The following CHCHD3 variants were observed in gnomAD, a reference collection of about 807,000 sequenced individuals.
CHCHD3 encodes the protein MICOS complex subunit MIC19.
Under a neutral mutation model 38.2 loss-of-function variants are expected in CHCHD3, and 20 were observed. The ratio of observed to expected loss-of-function variants is 0.52; its 90% CI spans 0.37 to 0.76. The LOEUF (loss-of-function observed/expected upper bound fraction) is 0.76. CHCHD3 is among the 30% of genes least tolerant of loss of function. The probability of loss-of-function intolerance (pLI) is 0.00; values close to 1 mark genes in which losing one functional copy is unlikely to be tolerated. For missense variants in CHCHD3, 245 were observed against 279.2 expected (o/e 0.88, Z 0.87); for synonymous variants, 82 against 100.0 (o/e 0.82, Z 1.07).
intron 2 of CHCHD3, among the ~76,000 whole-genome samples, chr7:133,027,746 C>T (rs1176689680): frequency 6.6e-6 from 1 of 152,024 alleles, no homozygotes; most frequent in Non-Finnish European, 1.5e-5. Context: ...ACTTAGGAAA[C>T]CCCTAGAACA....
chr7:132,796,636 G>C, intron 6 of CHCHD3, 59 bp from the exon 7 acceptor site: 1 of 1,511,280 alleles, frequency 6.6e-7, no homozygotes, highest in Non-Finnish European at 9.1e-7. Flanking sequence ...TAAAAATCAA[G>C]GTTAAAGAAC....
At chr7:133,046,073 T>A (rs1023819760) in intron 2 of CHCHD3, among the ~76,000 whole-genome samples, 1 of 152,196 alleles carries the variant, frequency 6.6e-6, no homozygotes, top group South Asian at 2.1e-4. Context: ...GAATCTTACT[T>A]TTTTTAGTGA....
In CHCHD3 at chr7:132,814,102, C is replaced by G. The variant is rs115713467; in HGVS notation, c.525-17525G>C. On this transcript the variant is annotated intron_variant, in intron 6 of 7. Coordinates refer to ENST00000262570, the MANE Select transcript of CHCHD3 (RefSeq NM_017812.4). ...TGCCTTAATAGTAGCAAAATCTCGC[C>G]TAAGACAAGTTGGACGTTTCAAGAA... Among the ~76,000 whole-genome samples the G allele has an allele frequency of 2.9e-3, 442 of 152,284 alleles. 1 individual carries two copies. Among genetic ancestry groups the G allele is most frequent in the African/African-American group, 0.01 (423 of 41,564 alleles).
At chr7:133,006,490 A>C in intron 3 of CHCHD3, among the ~76,000 whole-genome samples, 1 of 49,230 alleles carries the variant, frequency 2.0e-5, no homozygotes, top group African/African-American at 6.2e-5. Context: ...TAAATAAATA[A>C]ATAAAAAAAT....
chr7:132,898,757 A>C (rs1241108830), intron 4 of CHCHD3, among the ~76,000 whole-genome samples: 2 of 152,252 alleles, frequency 1.3e-5, no homozygotes, highest in Admixed American at 1.3e-4. Flanking sequence ...CCCCACGGGA[A>C]GGCAGCTAAG....
intron 7 of CHCHD3, among the ~76,000 whole-genome samples, chr7:132,791,828 T>C (rs567961077): frequency 2.0e-5 from 3 of 152,282 alleles, no homozygotes; most frequent in South Asian, 4.1e-4. Flanking sequence ...TGGAGAGCTG[T>C]CACATTAGGA....
chr7:132,999,341 T>C (rs981468182), intron 3 of CHCHD3, among the ~76,000 whole-genome samples: 1 of 152,232 alleles, frequency 6.6e-6, no homozygotes, highest in Non-Finnish European at 1.5e-5. Flanking sequence ...TGTCAAATGA[T>C]TATTGTGGAA....
chr7:132,992,616 T>C (rs755924765), intron 3 of CHCHD3, among the ~76,000 whole-genome samples: 2 of 152,204 alleles, frequency 1.3e-5, no homozygotes, highest in East Asian at 1.9e-4. Flanking sequence ...TTTTGAACAC[T>C]TGGTATGAAA....
At chr7:132,845,338 G>T (rs1381005669) in intron 5 of CHCHD3, among the ~76,000 whole-genome samples, 1 of 152,074 alleles carries the variant, frequency 6.6e-6, no homozygotes, top group Non-Finnish European at 1.5e-5. Context: ...AGTGTGGGGT[G>T]GGGTGGTTTT....
chr7:132,861,273 T>C (rs539545229), intron 5 of CHCHD3, among the ~76,000 whole-genome samples: 1 of 152,318 alleles, frequency 6.6e-6, no homozygotes, highest in South Asian at 2.1e-4. Flanking sequence ...TCAGGACCGC[T>C]ACCTCTGCTA....
intron 6 of CHCHD3, among the ~76,000 whole-genome samples, chr7:132,833,263 T>C (rs2117087332): frequency 6.6e-6 from 1 of 152,292 alleles, no homozygotes; most frequent in Non-Finnish European, 1.5e-5. Context: ...ACTGTTTTAG[T>C]TGGATTGAGA....
Position 132,983,158 on chromosome 7 carries a change from T to C in CHCHD3, c.252-7872A>G, listed in dbSNP as rs572983910. The stretch of plus-strand genomic sequence containing the variant: ...CCAACATGGCGAAACCCCATCTCCA[T>C]TAAAAATACAAAAAATTAGCCAGGC... On this transcript the variant is annotated intron_variant, in intron 3 of 7. Coordinates refer to ENST00000262570, the MANE Select transcript of CHCHD3 (RefSeq NM_017812.4). 1.7e-3 allele frequency among the ~76,000 whole-genome samples: 259 copies of C among 151,570 alleles called. No homozygotes were observed. In the South Asian group the frequency reaches 0.02, roughly 12 times the overall value.
chr7:133,024,721 T>A (rs1049767293), intron 2 of CHCHD3, 94 bp from the exon 3 acceptor site: 73 of 945,844 alleles, frequency 7.7e-5, no homozygotes, highest in Middle Eastern at 2.1e-4. Flanking sequence ...GAGACTAGAT[T>A]TGAACAGGCA....
At chr7:132,942,568 C>A (rs1174456205) in intron 4 of CHCHD3, among the ~76,000 whole-genome samples, 1 of 152,068 alleles carries the variant, frequency 6.6e-6, no homozygotes, top group Non-Finnish European at 1.5e-5. Flanking sequence ...TTGAATCCTG[C>A]GGCTTTATAC....
intron 4 of CHCHD3, among the ~76,000 whole-genome samples, chr7:132,949,037 C>T (rs1032967876): frequency 2.6e-5 from 4 of 152,212 alleles, no homozygotes; most frequent in South Asian, 2.1e-4. Flanking sequence ...GATTTACAAT[C>T]GCAAAGGAGT....
chr7:132,887,966 T>C (rs893973529), intron 4 of CHCHD3, among the ~76,000 whole-genome samples: 23 of 151,808 alleles, frequency 1.5e-4, no homozygotes, highest in Non-Finnish European at 4.4e-5. Context: ...TATGCAAAGA[T>C]ATTCATTATA....
In CHCHD3 at chr7:133,082,078, A is replaced by C; in HGVS notation, c.-141T>G. 1 of 730,140 alleles carries C rather than the reference A, an allele frequency of 1.4e-6. No homozygotes were observed. The highest frequency in any genetic ancestry group is 2.2e-6 in the Non-Finnish European group (1 of 462,244). The allele number at this position is 730,140 out of a possible 1,614,324, so 45.2% of individuals were successfully genotyped here. A position where few individuals can be genotyped will look rare whatever the true frequency, so the allele number is the denominator to read the frequency against. On this transcript the variant is annotated 5_prime_UTR_variant, in exon 1 of 8. Transcript: ENST00000262570. The stretch of plus-strand genomic sequence containing the variant: ...GCCACGACCCCCAGAAGCAAGGAGA[A>C]GGCGCCGGTCCTGAGCTCCCGCCTC...
At chr7:132,808,774 G>A (rs530593975) in intron 6 of CHCHD3, among the ~76,000 whole-genome samples, 1 of 148,652 alleles carries the variant, frequency 6.7e-6, no homozygotes, top group African/African-American at 2.5e-5. Flanking sequence ...TAGGGTACAT[G>A]TGCACATTGT....
At chr7:132,805,082 A>T (rs1348976641) in intron 6 of CHCHD3, among the ~76,000 whole-genome samples, 1 of 152,276 alleles carries the variant, frequency 6.6e-6, no homozygotes, top group Non-Finnish European at 1.5e-5. Context: ...TCATGTGGAC[A>T]TCAGAGCTGT....
Sources: allele counts gnomAD v4.1 joint callset (sites outside exome capture counted in the v4.1 genomes callset), GRCh38; gene constraint gnomAD v4.1.1; transcripts MANE v1.5; gene names NCBI Gene and HGNC (gene_info 2026-07-23, HGNC 2026-07-21).